The following NRXN3 variants were observed in gnomAD, a reference collection of about 807,000 sequenced individuals.
NRXN3 encodes neurexin 3.
Under a neutral mutation model 137.6 loss-of-function variants are expected in NRXN3, and 32 were observed. That is an observed-to-expected ratio of 0.23 (90% CI 0.18 to 0.31). The LOEUF (loss-of-function observed/expected upper bound fraction) is 0.31. NRXN3 is among the 10% of genes least tolerant of loss of function. NRXN3 has a pLI of 1.00. For synonymous variants in NRXN3, 798 were observed against 784.5 expected (o/e 1.02, Z -0.29); for missense variants, 1,574 against 2,062.5 (o/e 0.76, Z 4.59).
In NRXN3 at chr14:78,957,360, G is replaced by A. The variant is rs752788142; in HGVS notation, c.2394G>A (p.Glu798=). ...TAACCGTGGATGATGATGTGGCTGA[G>A]GGTGAGTATGACTATGGTGAAATTC... ...LKLTVDDDVA[E]GTMVGDHTRL... The change falls in exon 11 of 21, where the codon GAG becomes GAA. Residue 798 remains glutamate, a splice_region_variant and synonymous_variant. Coordinates refer to ENST00000335750, the MANE Select transcript of NRXN3 (RefSeq NM_001330195.2). 1 of 1,613,034 alleles carries A rather than the reference G, an allele frequency of 6.2e-7. No homozygotes were observed. Among genetic ancestry groups the A allele is most frequent in the Non-Finnish European group, 8.5e-7 (1 of 1,179,834 alleles).
chr14:78,582,337 A>G (rs1185395430), intron 4 of NRXN3, among the ~76,000 whole-genome samples: 1 of 152,236 alleles, frequency 6.6e-6, no homozygotes, highest in East Asian at 1.9e-4. Flanking sequence ...AGAGAGAAGC[A>G]GCCATGCTGA....
chr14:79,423,084 A>C (rs1274157964), intron 15 of NRXN3, among the ~76,000 whole-genome samples: 1 of 152,152 alleles, frequency 6.6e-6, no homozygotes, highest in East Asian at 1.9e-4. Flanking sequence ...TGCTTCAGTC[A>C]GTTAGCTTCA....
At chr14:79,176,442 T>A (rs1051660044) in intron 15 of NRXN3, among the ~76,000 whole-genome samples, 2 of 152,124 alleles carry the variant, frequency 1.3e-5, no homozygotes. Flanking sequence ...GAATAGGTGA[T>A]CCCCCAGCTA....
chr14:79,140,382 C>T (rs1370366463), intron 15 of NRXN3, among the ~76,000 whole-genome samples: 4 of 151,948 alleles, frequency 2.6e-5, no homozygotes, highest in African/African-American at 7.3e-5. Flanking sequence ...TTTTTCTTGC[C>T]GTTTGTGAGC....
intron 16 of NRXN3, among the ~76,000 whole-genome samples, chr14:79,628,537 C>T (rs949347839): frequency 2.0e-5 from 3 of 152,092 alleles, no homozygotes; most frequent in African/African-American, 7.2e-5. Context: ...GCCAGCCAGG[C>T]ATAGTTTGTC....
At chr14:78,958,633 G>A (rs2099401886) in intron 11 of NRXN3, among the ~76,000 whole-genome samples, 1 of 152,192 alleles carries the variant, frequency 6.6e-6, no homozygotes, top group Admixed American at 6.5e-5. Context: ...GGGATTACAG[G>A]CGTGAGCCAT....
At chr14:78,177,379 T>G (rs1258040569) in intron 1 of NRXN3, among the ~76,000 whole-genome samples, 1 of 149,118 alleles carries the variant, frequency 6.7e-6, no homozygotes, top group Non-Finnish European at 1.5e-5. Flanking sequence ...TGAATGTGTG[T>G]TTTTTTTTTC....
intron 15 of NRXN3, among the ~76,000 whole-genome samples, chr14:79,024,824 C>A (rs1046502456): frequency 2.0e-5 from 3 of 152,084 alleles, no homozygotes; most frequent in African/African-American, 7.2e-5. Context: ...TACCTCTTCT[C>A]CTTTTTTCAC....
intron 15 of NRXN3, among the ~76,000 whole-genome samples, chr14:79,446,559 G>A (rs1340918116): frequency 6.6e-6 from 1 of 151,916 alleles, no homozygotes; most frequent in African/African-American, 2.4e-5. Context: ...ACATCATTTA[G>A]CCAGAATATA....
At chr14:79,569,108 AAC>A (rs148009669) in intron 16 of NRXN3, among the ~76,000 whole-genome samples, 8,796 of 152,186 alleles carry the variant, frequency 0.058, 265 homozygotes, top group East Asian at 0.08. Flanking sequence ...ACAACACACA[AAC>A]ACAGATCTAA....
chr14:79,276,893 G>A (rs2080369184), intron 15 of NRXN3, among the ~76,000 whole-genome samples: 2 of 152,262 alleles, frequency 1.3e-5, no homozygotes, highest in South Asian at 4.2e-4. Flanking sequence ...CATTCAGCCA[G>A]TATTTACTGA....
At chr14:79,703,542 T>C (rs552596037) in intron 19 of NRXN3, among the ~76,000 whole-genome samples, 47 of 151,870 alleles carry the variant, frequency 3.1e-4, no homozygotes, top group Non-Finnish European at 5.4e-4. Context: ...AGAAAAGAGG[T>C]TTAATTGACT....
At chr14:78,806,789 T>C (rs1428214319) in intron 9 of NRXN3, among the ~76,000 whole-genome samples, 1 of 152,214 alleles carries the variant, frequency 6.6e-6, no homozygotes, top group Non-Finnish European at 1.5e-5. Context: ...TTATAAGCTA[T>C]AACATTTTAT....
At chr14:78,719,639 C>A (rs1356297598) in intron 8 of NRXN3, among the ~76,000 whole-genome samples, 1 of 151,984 alleles carries the variant, frequency 6.6e-6, no homozygotes, top group Non-Finnish European at 1.5e-5. Context: ...GTCAGGAGTT[C>A]AAGACCAGCC....
chr14:78,531,921 A>G (rs1292016042), intron 4 of NRXN3, among the ~76,000 whole-genome samples: 54 of 152,102 alleles, frequency 3.6e-4, no homozygotes, highest in Admixed American at 3.3e-3. Flanking sequence ...TCCCAATCCC[A>G]TCTCCTTCAA....
At chr14:79,068,449 A>G (rs8010365) in intron 15 of NRXN3, among the ~76,000 whole-genome samples, 89,475 of 151,872 alleles carry the variant, frequency 0.59, 27,080 homozygotes, top group East Asian at 0.81. Flanking sequence ...TAAGTCGCCT[A>G]CTTAATTCTC....
chr14:78,246,400 G>T (rs748264120), intron 2 of NRXN3, among the ~76,000 whole-genome samples: 3 of 152,014 alleles, frequency 2.0e-5, no homozygotes, highest in Non-Finnish European at 4.4e-5. Context: ...ACAAGGTTCA[G>T]ATCATCTCCT....
chr14:79,635,626 G>C (rs561061567), intron 16 of NRXN3, among the ~76,000 whole-genome samples: 2 of 152,164 alleles, frequency 1.3e-5, no homozygotes, highest in Non-Finnish European at 2.9e-5. Flanking sequence ...CACCTTTGGT[G>C]TTCCTTGGCT....
chr14:78,602,117 A>G (rs1479426808), intron 4 of NRXN3, among the ~76,000 whole-genome samples: 1 of 152,152 alleles, frequency 6.6e-6, no homozygotes, highest in African/African-American at 2.4e-5. Context: ...AAGGAGTTTC[A>G]AGGTCTTCTA....
Sources: allele counts gnomAD v4.1 joint callset (sites outside exome capture counted in the v4.1 genomes callset), GRCh38; gene constraint gnomAD v4.1.1; transcripts MANE v1.5; gene names NCBI Gene and HGNC (gene_info 2026-07-23, HGNC 2026-07-21).